Variants in CFAP54 observed in about 807,000 individuals in gnomAD.
The protein encoded by CFAP54 is cilia and flagella associated protein 54, also known as cilia- and flagella-associated protein 54.
A neutral mutation model predicts 370.4 loss-of-function variants in CFAP54; 290 were observed. The ratio of observed to expected loss-of-function variants is 0.78; its 90% CI spans 0.71 to 0.86. The LOEUF (loss-of-function observed/expected upper bound fraction) is 0.86. Among genes scored for constraint, CFAP54 ranks in the 40% least tolerant of loss-of-function variants. The pLI is 0.00. For missense variants in CFAP54, 3,399 were observed against 3,528.7 expected, an observed-to-expected ratio of 0.96 and a Z score of 0.93; for synonymous variants, 1,206 against 1,236.5, an observed-to-expected ratio of 0.98 and a Z score of 0.52.
In CFAP54 at chr12:96,653,896, A is replaced by G. The variant is rs577703123; in HGVS notation, c.5100+2081A>G. Among the ~76,000 whole-genome samples the G allele has an allele frequency of 8.7e-4, 132 of 152,296 alleles. 2 individuals carry two copies. The highest frequency in any genetic ancestry group is 3.5e-3 in the Admixed American group (54 of 15,296). On this transcript the variant is annotated intron_variant, in intron 36 of 67. Transcript: ENST00000524981. ...TGAAGAACAAAAGTGAGAAAAGCAC[A>G]AATTACTCATATTAGTAGTGGAGAA...
At chr12:96,583,257 T>C (rs528737808) in intron 22 of CFAP54, among the ~76,000 whole-genome samples, 2 of 152,324 alleles carry the variant, frequency 1.3e-5, no homozygotes, top group African/African-American at 4.8e-5. Flanking sequence ...TTTTCTCTTC[T>C]TTTTAGACTA....
At chr12:96,639,351 CACAT>C (rs1565924043) in intron 32 of CFAP54, among the ~76,000 whole-genome samples, 1 of 152,188 alleles carries the variant, frequency 6.6e-6, no homozygotes, top group Non-Finnish European at 1.5e-5. Flanking sequence ...AATTCCTTGA[CACAT>C]ACACTCTCCC....
intron 26 of CFAP54, among the ~76,000 whole-genome samples, chr12:96,608,172 G>A (rs572161314): frequency 3.5e-4 from 54 of 152,176 alleles, no homozygotes; most frequent in Non-Finnish European, 1.8e-4. Flanking sequence ...ATTCTTTAAA[G>A]AGAAGAGTCA....
At chr12:96,868,741 A>G (rs1960073442) in intron 67 of CFAP54, among the ~76,000 whole-genome samples, 1 of 152,148 alleles carries the variant, frequency 6.6e-6, no homozygotes, top group South Asian at 2.1e-4. Context: ...CCAGGAGTTG[A>G]GCCCTTTTTT....
chr12:96,817,605 A>G (rs1001762929), intron 64 of CFAP54, among the ~76,000 whole-genome samples, 170 bp from the exon 65 acceptor site: 1 of 138,154 alleles, frequency 7.2e-6, no homozygotes, highest in Non-Finnish European at 1.6e-5. Context: ...TATTTTTAGT[A>G]GAGACGGGGT....
At chr12:96,747,341 G>T (rs1038872793) in intron 55 of CFAP54, among the ~76,000 whole-genome samples, 2 of 152,192 alleles carry the variant, frequency 1.3e-5, no homozygotes, top group Non-Finnish European at 2.9e-5. Context: ...CTTGGCAGAG[G>T]TGATTATGGA....
At chr12:96,523,045 T>C (rs1955338152) in intron 8 of CFAP54, among the ~76,000 whole-genome samples, 1 of 152,154 alleles carries the variant, frequency 6.6e-6, no homozygotes, top group South Asian at 2.1e-4. Flanking sequence ...TCCTGACTCT[T>C]AATATCCCCC....
chr12:96,578,306 G>A (rs1449777965), intron 20 of CFAP54, among the ~76,000 whole-genome samples: 1 of 152,170 alleles, frequency 6.6e-6, no homozygotes. Flanking sequence ...TGTGAGAGGA[G>A]GGGAATAGAA....
chr12:96,853,000 G>A (rs1029682551), intron 66 of CFAP54, among the ~76,000 whole-genome samples: 4 of 152,058 alleles, frequency 2.6e-5, no homozygotes, highest in Non-Finnish European at 5.9e-5. Context: ...ACTGGAGCTG[G>A]TGGAAAATAT....
intron 22 of CFAP54, among the ~76,000 whole-genome samples, chr12:96,586,754 C>A (rs1054931106): frequency 2.0e-5 from 3 of 152,082 alleles, no homozygotes; most frequent in Non-Finnish European, 4.4e-5. Context: ...GGGACTTTGG[C>A]TTTTGACTTG....
rs143866516 is a variant in CFAP54 at position 96,636,815 on chromosome 12, G to A, written c.4316+6164G>A. ...CTAAAAATACAAAAATTAGCTGGGT[G>A]TGGCGGCACACGCCTGTAATCCCAG... On this transcript the variant is annotated intron_variant, in intron 32 of 67. Coordinates refer to ENST00000524981, the MANE Select transcript of CFAP54 (RefSeq NM_001306084.2). Among the ~76,000 whole-genome samples the A allele has an allele frequency of 7.7e-3, 1,170 of 152,206 alleles. 12 individuals are homozygous for A. Among genetic ancestry groups the A allele is most frequent in the Middle Eastern group, 0.02 (6 of 294 alleles).
intron 56 of CFAP54, among the ~76,000 whole-genome samples, chr12:96,754,528 C>G (rs887837366): frequency 6.6e-6 from 1 of 152,144 alleles, no homozygotes; most frequent in African/African-American, 2.4e-5. Context: ...GTAGGCATGA[C>G]AAATCCTGCT....
intron 19 of CFAP54, among the ~76,000 whole-genome samples, chr12:96,569,639 G>A (rs1955895066): frequency 6.6e-6 from 1 of 152,176 alleles, no homozygotes; most frequent in African/African-American, 2.4e-5. Context: ...AAACAAATCT[G>A]TAGTTGAGAT....
intron 32 of CFAP54, among the ~76,000 whole-genome samples, chr12:96,641,744 A>G (rs1956730307): frequency 6.6e-6 from 1 of 152,234 alleles, no homozygotes; most frequent in South Asian, 2.1e-4. Flanking sequence ...AATACTATGC[A>G]GCTATAAAAA....
intron 63 of CFAP54, among the ~76,000 whole-genome samples, chr12:96,804,761 C>CA (rs1358359974): frequency 1.3e-5 from 2 of 151,826 alleles, no homozygotes; most frequent in East Asian, 1.9e-4. Flanking sequence ...TCATATGGAA[C>CA]AAAAAAACAG....
In CFAP54 at chr12:96,744,043, T is replaced by G. The variant is rs776713848; in HGVS notation, c.7581T>G (p.Ile2527Met). The G allele has an allele frequency of 6.2e-7, 1 of 1,610,766 alleles. No homozygotes were observed. Among genetic ancestry groups the G allele is most frequent in the Admixed American group, 1.7e-5 (1 of 59,416 alleles). ...AGATGCTAGCTTTTGGAGAAACAATTGAATTTCGTTCATCAAACACTAAAT... is the reference window on the plus strand; with the variant it reads ...AGATGCTAGCTTTTGGAGAAACAATGGAATTTCGTTCATCAAACACTAAAT... ...TEQMLAFGETIEFRSSNTKYA... is the reference protein window; with the variant it reads ...TEQMLAFGETMEFRSSNTKYA... Residue 2527 changes from isoleucine to methionine, a missense_variant, in exon 55 of 68, where the codon ATT (isoleucine) becomes ATG (methionine). Ile to Met is a conservative substitution (Grantham distance 10). Around this residue, in one of 3 missense-constraint regions of CFAP54, gnomAD observed 2,796 missense variants for 2,869.7 expected, o/e 0.97. Transcript: ENST00000524981.
At chr12:96,593,719 T>C (rs1376168120) in intron 24 of CFAP54, among the ~76,000 whole-genome samples, 2 of 151,972 alleles carry the variant, frequency 1.3e-5, no homozygotes, top group African/African-American at 2.4e-5. Flanking sequence ...ATGAAATCTT[T>C]CCCCAGGAAA....
chr12:96,648,189 T>A (rs1050485003), intron 34 of CFAP54, among the ~76,000 whole-genome samples, 172 bp downstream of exon 34: 12 of 152,208 alleles, frequency 7.9e-5, no homozygotes, highest in African/African-American at 1.9e-4. Flanking sequence ...TGCTCTATTT[T>A]AAAAAATTTC....
rs1329351002 is a variant in CFAP54, at chr12:96,538,476, A to G, written c.1884A>G (p.Arg628=). ...KLGIQRLNIS[R]NDYAKFTQKI... ...GAATTCAGCGGCTCAATATATCCAG[A>G]AATGACTATGCAAAATTCACCCAGA... Residue 628 remains arginine (R), a synonymous_variant, in exon 13 of 68, where the codon AGA becomes AGG. Coordinates refer to ENST00000524981, the MANE Select transcript of CFAP54 (RefSeq NM_001306084.2). 4.6e-6 allele frequency: 7 copies of G among 1,536,136 alleles called. No individual in the cohort carries two copies. In the African/African-American group the frequency reaches 9.6e-5, roughly 21 times the overall value.
Sources: gnomAD v4.1 joint callset for allele counts (sites outside exome capture counted in the v4.1 genomes callset) on GRCh38, gnomAD v4.1.1 for gene constraint, gnomAD v4.1.1 regional missense constraint, MANE v1.5 for transcripts, NCBI Gene and HGNC (gene_info 2026-07-23, HGNC 2026-07-21) for gene names.